Variants in RPRD1A observed in about 807,000 individuals in gnomAD.
The protein encoded by RPRD1A is regulation of nuclear pre-mRNA domain-containing protein 1A.
RPRD1A carries 9 observed loss-of-function variants against 37.8 expected under a neutral mutation model. The ratio of observed to expected loss-of-function variants is 0.24; its 90% CI spans 0.14 to 0.42. RPRD1A has a LOEUF of 0.42. Ranked by LOEUF, RPRD1A falls within the 10% of genes least tolerant of loss-of-function variation. RPRD1A has a pLI of 1.00. For synonymous variants in RPRD1A, 138 were observed against 139.7 expected, an observed-to-expected ratio of 0.99 and a Z score of 0.08; for missense variants, 255 against 371.0, an observed-to-expected ratio of 0.69 and a Z score of 2.57.
intron 6 of RPRD1A, among the ~76,000 whole-genome samples, chr18:35,997,121 T>C (rs1183762010): frequency 2.0e-5 from 3 of 152,108 alleles, no homozygotes; most frequent in Non-Finnish European, 2.9e-5. Context: ...CAAAATTCCC[T>C]TAAAGCCAAA....
At chr18:36,052,222 A>T (rs1269388328) in intron 1 of RPRD1A, among the ~76,000 whole-genome samples, 1 of 151,692 alleles carries the variant, frequency 6.6e-6, no homozygotes, top group Non-Finnish European at 1.5e-5. Context: ...AAACTAAAGG[A>T]GAAATTAAGA....
At chr18:36,008,571 G>GTATGTATGTATGTATGTA (rs1359543093) in intron 6 of RPRD1A, among the ~76,000 whole-genome samples, 6 of 27,938 alleles carry the variant, frequency 2.1e-4, no homozygotes, top group African/African-American at 8.6e-4. Context: ...GCAAGACCTT[G>GTATGTATGTATGTATGTA]TGTGTGTATA....
intron 1 of RPRD1A, among the ~76,000 whole-genome samples, chr18:36,058,601 AT>A (rs1175556152): frequency 2.0e-5 from 3 of 152,224 alleles, no homozygotes; most frequent in African/African-American, 7.2e-5. Flanking sequence ...AATTTTATAA[AT>A]TCAGTTTCTG....
Position 36,058,332 on chromosome 18 carries a change from C to A in RPRD1A, c.151+8922G>T, listed in dbSNP as rs574840334. On this transcript the variant is annotated intron_variant, in intron 1 of 6. Transcript: ENST00000399022. ...TGCTGGCTGGGATTACAGGCATGAG[C>A]CACTGCGCCCGGCCAGAAAACCAAC... Among the ~76,000 whole-genome samples, 29 of 152,290 alleles carry A rather than the reference C, an allele frequency of 1.9e-4. No homozygotes were observed. The South Asian group carries it at 6.0e-3, about 32-fold the overall frequency.
chr18:36,030,165 C>T (rs1281812675), intron 4 of RPRD1A, among the ~76,000 whole-genome samples: 3 of 151,260 alleles, frequency 2.0e-5, no homozygotes, highest in Admixed American at 6.6e-5. Flanking sequence ...GTGATTATGT[C>T]CAAGAATGAA....
chr18:36,003,332 T>C lies in RPRD1A; in HGVS notation c.790-10032A>G, dbSNP rs1034585370. ...TAAACTAGCTGTGTCACCATGCTAA[T>C]AGCTATACTTGTTCAGTGCTTTCTC... is the stretch of plus-strand genomic sequence containing the variant. On this transcript the variant is annotated intron_variant, in intron 6 of 6. Coordinates refer to ENST00000399022, the MANE Select transcript of RPRD1A (RefSeq NM_018170.5). Among the ~76,000 whole-genome samples, 6 of 152,250 alleles carry C rather than the reference T, an allele frequency of 3.9e-5. 1 individual carries two copies. The South Asian group carries it at 8.3e-4, about 21-fold the overall frequency.
At position 35,991,785 on chromosome 18, in the gene RPRD1A, T is replaced by A. The variant is rs1908732200; in HGVS notation, c.*1366A>T. On this transcript the variant is annotated 3_prime_UTR_variant, in exon 7 of 7. Transcript: ENST00000399022. ...TGCCTTCTTCATATGCAATTCATTG[T>A]AACTATAATTTCTAATACTGAGAAA... 6.6e-6 allele frequency: 1 copy of A among 152,232 alleles called. No individual in the cohort carries two copies. The allele number at this position is 152,232 out of a possible 1,614,324, so 9.4% of individuals were successfully genotyped here.
At chr18:36,013,561 A>G (rs1266922968) in intron 6 of RPRD1A, among the ~76,000 whole-genome samples, 1 of 152,200 alleles carries the variant, frequency 6.6e-6, no homozygotes, top group Non-Finnish European at 1.5e-5. Context: ...AAAAAATACA[A>G]TATCTAGGCC....
At chr18:36,057,405 T>C (rs115013000) in intron 1 of RPRD1A, among the ~76,000 whole-genome samples, 1,778 of 152,026 alleles carry the variant, frequency 0.012, 43 homozygotes, top group African/African-American at 0.04. Flanking sequence ...CCCAGGAGTT[T>C]GAGACCAGCC....
rs200216458 is a variant in RPRD1A at position 36,027,173 on chromosome 18, T to G, written c.613+11A>C. ...CCCAAAAAAGTTCTGGATCACATTTTCTTTTCTTACCTGTTATTTTATCTA... is the reference window on the plus strand; with the variant it reads ...CCCAAAAAAGTTCTGGATCACATTTGCTTTTCTTACCTGTTATTTTATCTA... On this transcript the variant is annotated intron_variant, in intron 5 of 6. Transcript: ENST00000399022. The G allele has an allele frequency of 2.2e-5, 35 of 1,613,690 alleles. No homozygotes were observed. In the African/African-American group the frequency reaches 4.5e-4, roughly 21 times the overall value.
At chr18:36,003,803 CTGTT>C (rs942681970) in intron 6 of RPRD1A, among the ~76,000 whole-genome samples, 6 of 151,338 alleles carry the variant, frequency 4.0e-5, no homozygotes, top group African/African-American at 9.8e-5. Flanking sequence ...TGTTTTGTTT[CTGTT>C]TGTTTTTTTA....
At chr18:36,032,078 T>C (rs1044345394) in intron 2 of RPRD1A, among the ~76,000 whole-genome samples, 5 of 152,246 alleles carry the variant, frequency 3.3e-5, no homozygotes, top group African/African-American at 9.6e-5. Context: ...TTTGTTCAAA[T>C]GCCACCTTCC....
chr18:36,034,421 T>C (rs1410658815), intron 1 of RPRD1A, among the ~76,000 whole-genome samples: 2 of 152,196 alleles, frequency 1.3e-5, no homozygotes, highest in East Asian at 3.8e-4. Context: ...ACAAAAATAT[T>C]CCCCTACTCA....
At chr18:36,020,972 G>A (rs1434552145) in intron 6 of RPRD1A, among the ~76,000 whole-genome samples, 1 of 152,154 alleles carries the variant, frequency 6.6e-6, no homozygotes, top group African/African-American at 2.4e-5. Context: ...TAAGTCTTTT[G>A]CTTAAGTAAC....
chr18:36,067,410 C>T lies in RPRD1A; in HGVS notation c.-6G>A, dbSNP rs374844551. The stretch of plus-strand genomic sequence containing the variant: ...GCCTCAGAGAAGGCTGACATCCCTC[C>T]GACACCACGTTCACGCCGTCCCACG... On this transcript the variant is annotated 5_prime_UTR_variant, in exon 1 of 7. Transcript: ENST00000399022. 6.2e-7 allele frequency: 1 copy of T among 1,604,956 alleles called. No homozygotes were observed. The highest frequency in any genetic ancestry group is 8.5e-7 in the Non-Finnish European group (1 of 1,175,888).
At chr18:36,062,039 C>T (rs555434632) in intron 1 of RPRD1A, among the ~76,000 whole-genome samples, 14 of 152,232 alleles carry the variant, frequency 9.2e-5, no homozygotes, top group African/African-American at 2.6e-4. Context: ...AAAACATGGC[C>T]GGGCGCGGTG....
intron 6 of RPRD1A, among the ~76,000 whole-genome samples, chr18:36,015,734 T>C (rs943326631): frequency 1.3e-5 from 2 of 152,184 alleles, no homozygotes; most frequent in African/African-American, 4.8e-5. Flanking sequence ...GAGAATACTG[T>C]ATGCTTTCCC....
intron 1 of RPRD1A, among the ~76,000 whole-genome samples, chr18:36,040,504 A>G (rs1912502106): frequency 6.6e-6 from 1 of 152,208 alleles, no homozygotes; most frequent in African/African-American, 2.4e-5. Flanking sequence ...CAAGCTAACA[A>G]GTGTTTCAGC....
At chr18:36,048,908 CA>C (rs1242869787) in intron 1 of RPRD1A, among the ~76,000 whole-genome samples, 5 of 152,312 alleles carry the variant, frequency 3.3e-5, no homozygotes, top group Middle Eastern at 3.4e-3. Flanking sequence ...AAAACGTTTA[CA>C]GCTAATAAGT....
Sources: allele counts gnomAD v4.1 joint callset (sites outside exome capture counted in the v4.1 genomes callset), GRCh38; gene constraint gnomAD v4.1.1; transcripts MANE v1.5; gene names NCBI Gene and HGNC (gene_info 2026-07-23, HGNC 2026-07-21).